Variants in SAMD15 observed in about 807,000 individuals in gnomAD.
The protein encoded by SAMD15 is sterile alpha motif domain containing 15.
Under a neutral mutation model 50.5 loss-of-function variants are expected in SAMD15, and 37 were observed. The ratio of observed to expected loss-of-function variants is 0.73; its 90% CI spans 0.56 to 0.96. The LOEUF (loss-of-function observed/expected upper bound fraction) is 0.96. Among genes scored for constraint, SAMD15 ranks in the 40% least tolerant of loss-of-function variants. The pLI is 0.00. For synonymous variants in SAMD15, 255 were observed against 282.8 expected, an observed-to-expected ratio of 0.90 and a Z score of 0.99; for missense variants, 789 against 783.8, an observed-to-expected ratio of 1.01 and a Z score of -0.08.
At position 77,377,793 on chromosome 14, in the gene SAMD15, T is replaced by C. The variant is rs746027718; in HGVS notation, c.375T>C (p.Pro125=). 7 of 1,613,954 alleles carry C rather than the reference T, an allele frequency of 4.3e-6. No individual in the cohort carries two copies. Among genetic ancestry groups the C allele is most frequent in the Non-Finnish European group, 5.9e-6 (7 of 1,180,024 alleles). Residue 125 remains proline, a synonymous_variant, in exon 1 of 3, where the codon CCT becomes CCC. Transcript: ENST00000216471. ...AGTTTTTCAAAGATTTGGAGGCCCCTATGGATGAAACGCATAAAGAGTCAG... is the reference window on the plus strand; with the variant it reads ...AGTTTTTCAAAGATTTGGAGGCCCCCATGGATGAAACGCATAAAGAGTCAG... The part of the protein sequence containing the change: ...MGEFFKDLEA[P]MDETHKESDL...
chr14:77,377,488 G>C lies in SAMD15; in HGVS notation c.70G>C (p.Glu24Gln), dbSNP rs1176893266. The C allele has an allele frequency of 1.2e-6, 2 of 1,614,006 alleles. No homozygotes were observed. Among genetic ancestry groups the C allele is most frequent in the African/African-American group, 2.7e-5 (2 of 74,902 alleles). Reference protein sequence around the residue: ...EDGELEPERPELPGLHKLYEN... With the variant: ...EDGELEPERPQLPGLHKLYEN... The stretch of plus-strand genomic sequence containing the variant: ...TGGAGAGCTGGAGCCTGAGAGGCCT[G>C]AACTGCCTGGACTTCATAAATTGTA... Residue 24 changes from glutamate to glutamine, a missense_variant, in exon 1 of 3, where the codon GAA (glutamate) becomes CAA (glutamine). Glu to Gln is a conservative substitution (Grantham distance 29, BLOSUM62 2). Around this residue, in one of 2 missense-constraint regions of SAMD15, gnomAD observed 770 missense variants for 745.4 expected, o/e 1.03. Transcript: ENST00000216471.
rs761578291 is a variant in SAMD15 at position 77,378,826 on chromosome 14, G to A, written c.1408G>A (p.Glu470Lys). 3 of 1,613,424 alleles carry A rather than the reference G, an allele frequency of 1.9e-6. No individual in the cohort carries two copies. Among genetic ancestry groups the A allele is most frequent in the Non-Finnish European group, 1.7e-6 (2 of 1,179,848 alleles). ...YALGSLRESE[E>K]SIGTHYEFLQ... ...ATTAGGATCTCTCAGAGAAAGTGAAGAATCAATTGGTACACATTATGAGTT... is the reference window on the plus strand; with the variant it reads ...ATTAGGATCTCTCAGAGAAAGTGAAAAATCAATTGGTACACATTATGAGTT... Residue 470 changes from glutamate (E) to lysine (K), a missense_variant, in exon 1 of 3, where the codon GAA becomes AAA. This residue lies in a region of SAMD15 where 770 missense variants were observed against 745.4 expected (regional missense o/e 1.03). Transcript: ENST00000216471.
chr14:77,391,117 G>A lies in SAMD15; in HGVS notation c.1898G>A (p.Gly633Asp). 2 of 1,613,734 alleles carry A rather than the reference G, an allele frequency of 1.2e-6. No individual in the cohort carries two copies. Among genetic ancestry groups the A allele is most frequent in the South Asian group, 1.1e-5 (1 of 91,078 alleles). ...ATCGGCTTATATTTAGAGCAAAAAG[G>A]TCATACTGGGATAAAATCTGATTCC... ...DIIGLYLEQK[G>D]HTGIKSDSLT... The change falls in exon 3 of 3, where the codon GGT becomes GAT. Residue 633 changes from glycine to aspartate, a missense_variant. Physicochemically the swap from Gly to Asp is moderately conservative, Grantham distance 94. Coordinates refer to ENST00000216471, the MANE Select transcript of SAMD15 (RefSeq NM_001010860.4).
At chr14:77,383,608 A>G (rs1893970036) in intron 2 of SAMD15, among the ~76,000 whole-genome samples, 1 of 152,186 alleles carries the variant, frequency 6.6e-6, no homozygotes, top group Non-Finnish European at 1.5e-5. Context: ...AGGTCACTAG[A>G]GTAACATAAA....
chr14:77,390,823 G>C (rs1465001710), intron 2 of SAMD15, among the ~76,000 whole-genome samples, 185 bp from the exon 3 acceptor site: 1 of 152,212 alleles, frequency 6.6e-6, no homozygotes. Flanking sequence ...CCAGGAGGCA[G>C]AGGTGGCAGT....
At chr14:77,385,735 A>C (rs1468812285) in intron 2 of SAMD15, among the ~76,000 whole-genome samples, 1 of 152,044 alleles carries the variant, frequency 6.6e-6, no homozygotes, top group East Asian at 1.9e-4. Context: ...TGTTTTCTTA[A>C]AGTTACAGGT....
chr14:77,386,026 T>C (rs1040450339), intron 2 of SAMD15, among the ~76,000 whole-genome samples: 3 of 151,794 alleles, frequency 2.0e-5, no homozygotes, highest in African/African-American at 4.8e-5. Context: ...TTTTTGTACT[T>C]TTTTGAGGAG....
chr14:77,386,343 T>C (rs1448471059), intron 2 of SAMD15, among the ~76,000 whole-genome samples: 5 of 152,210 alleles, frequency 3.3e-5, no homozygotes, highest in Admixed American at 3.3e-4. Flanking sequence ...AATCTGTTTT[T>C]GATGTCACAT....
chr14:77,382,375 G>A (rs528143509), intron 2 of SAMD15, among the ~76,000 whole-genome samples: 42 of 151,888 alleles, frequency 2.8e-4, no homozygotes, highest in African/African-American at 8.7e-4. Flanking sequence ...TGCCTGCCTC[G>A]GCCTCTCAAA....
rs768732842 is a variant in SAMD15, at chr14:77,377,928, G to A, written c.510G>A (p.Glu170=). ...TGCCACCAACGGAAACCATGTCTGA[G>A]GTTTCGGGGGCCACAGTCAGAGAGA... ...DPVPPTETMS[E]VSGATVRERN... The change falls in exon 1 of 3, where the codon GAG becomes GAA. Residue 170 remains glutamate, a synonymous_variant. Coordinates refer to ENST00000216471, the MANE Select transcript of SAMD15 (RefSeq NM_001010860.4). 1.9e-6 allele frequency: 3 copies of A among 1,614,114 alleles called. No homozygotes were observed. The South Asian group carries it at 3.3e-5, about 18-fold the overall frequency.
At position 77,383,709 on chromosome 14, in the gene SAMD15, AC is replaced by A. The variant is rs146806300; in HGVS notation, c.1788+3229del. 6.4e-3 allele frequency among the ~76,000 whole-genome samples: 969 copies of A among 152,290 alleles called. 6 individuals carry two copies. The highest frequency in any genetic ancestry group is 0.023 in the African/African-American group (940 of 41,544). On this transcript the variant is annotated intron_variant, in intron 2 of 2. Transcript: ENST00000216471. ...TGATTATGGCCAGGTCTGGTGGCTC[AC>A]GCCTGTAATCCCAGCACTTTGGGAG...
chr14:77,380,297 G>A (rs779233426), intron 1 of SAMD15, 86 bp from the exon 2 acceptor site: 26 of 865,844 alleles, frequency 3.0e-5, no homozygotes, highest in Admixed American at 1.6e-4. Context: ...GAACAAACAC[G>A]ACTTCTTCCC....
chr14:77,391,000 C>A lies in SAMD15; in HGVS notation c.1789-8C>A. 6.4e-7 allele frequency: 1 copy of A among 1,567,004 alleles called. No individual in the cohort carries two copies. The highest frequency in any genetic ancestry group is 8.7e-7 in the Non-Finnish European group (1 of 1,144,446). ...TAGTCTAATTAAAAATTTATCCTTG[C>A]GTTTCAGGCAATTTCTCGGCATACG... On this transcript the variant is annotated splice_polypyrimidine_tract_variant and splice_region_variant and intron_variant, in intron 2 of 2. Coordinates refer to ENST00000216471, the MANE Select transcript of SAMD15 (RefSeq NM_001010860.4).
chr14:77,378,606 A>G lies in SAMD15; in HGVS notation c.1188A>G (p.Gln396=). Residue 396 remains glutamine (Q), a synonymous_variant, in exon 1 of 3, where the codon CAA becomes CAG. Coordinates refer to ENST00000216471, the MANE Select transcript of SAMD15 (RefSeq NM_001010860.4). ...ACCCACAAGTTGAAGAGAAAACACA[A>G]ACAAAGCCAACTGAGAAAATTCTAG... ...EINPQVEEKT[Q]TKPTEKILEL... 6.2e-7 allele frequency: 1 copy of G among 1,613,752 alleles called. No homozygotes were observed. The highest frequency in any genetic ancestry group is 8.5e-7 in the Non-Finnish European group (1 of 1,179,960).
chr14:77,390,758 T>C (rs941035400), intron 2 of SAMD15, among the ~76,000 whole-genome samples: 15 of 152,004 alleles, frequency 9.9e-5, no homozygotes, highest in Non-Finnish European at 1.5e-5. Context: ...GGCGTGGTGG[T>C]GTGCGCCTGT....
In SAMD15 at chr14:77,391,931, G is replaced by C. The variant is rs995327458; in HGVS notation, c.*687G>C. On this transcript the variant is annotated 3_prime_UTR_variant, in exon 3 of 3. Coordinates refer to ENST00000216471, the MANE Select transcript of SAMD15 (RefSeq NM_001010860.4). ...TAGCTGGGCATGGTGGCACATGCCT[G>C]TAGTCCCAGCTACTCAGGAGGCTGA... Among the ~76,000 whole-genome samples, 2 of 152,076 alleles carry C rather than the reference G, an allele frequency of 1.3e-5. No homozygotes were observed. The highest frequency in any genetic ancestry group is 1.3e-4 in the Admixed American group (2 of 15,272).
Position 77,378,037 on chromosome 14 carries a change from G to A in SAMD15, c.619G>A (p.Glu207Lys). The change falls in exon 1 of 3, where the codon GAG becomes AAG. Residue 207 changes from glutamate (E) to lysine (K), a missense_variant. This residue lies in a region of SAMD15 where 770 missense variants were observed against 745.4 expected (regional missense o/e 1.03). Coordinates refer to ENST00000216471, the MANE Select transcript of SAMD15 (RefSeq NM_001010860.4). Reference protein sequence around the residue: ...LRVQHEETGLEPPEQTKQDFP... With the variant: ...LRVQHEETGLKPPEQTKQDFP... ...AGTGCAACATGAAGAGACAGGTCTA[G>A]AGCCTCCAGAGCAGACCAAACAAGA... is the stretch of plus-strand genomic sequence containing the variant. The A allele has an allele frequency of 1.2e-6, 2 of 1,613,982 alleles. No individual in the cohort carries two copies. Among genetic ancestry groups the A allele is most frequent in the Non-Finnish European group, 1.7e-6 (2 of 1,180,022 alleles).
chr14:77,378,931 A>T lies in SAMD15; in HGVS notation c.1513A>T (p.Ser505Cys). The T allele has an allele frequency of 6.2e-7, 1 of 1,614,166 alleles. No individual in the cohort carries two copies. Residue 505 changes from serine to cysteine, a missense_variant, in exon 1 of 3, where the codon AGT (serine) becomes TGT (cysteine). Ser to Cys is a moderately radical substitution (Grantham distance 112, BLOSUM62 -1). Around this residue, in one of 2 missense-constraint regions of SAMD15, gnomAD observed 770 missense variants for 745.4 expected, o/e 1.03. Transcript: ENST00000216471. ...TCCCTCAGAGTCTCAGACAGAATTA[A>T]GTGAGTTCGTTCATGAAAAGGAAGT... is the stretch of plus-strand genomic sequence containing the variant. Reference protein sequence around the residue: ...SDPSESQTELSEFVHEKEVVD... With the variant: ...SDPSESQTELCEFVHEKEVVD...
At chr14:77,379,593 G>C (rs1208356441) in intron 1 of SAMD15, among the ~76,000 whole-genome samples, 1 of 152,076 alleles carries the variant, frequency 6.6e-6, no homozygotes, top group African/African-American at 2.4e-5. Context: ...GGGTTTCACT[G>C]TGTTAGCCAG....
Sources: gnomAD v4.1 joint callset for allele counts (sites outside exome capture counted in the v4.1 genomes callset) on GRCh38, gnomAD v4.1.1 for gene constraint, gnomAD v4.1.1 regional missense constraint, MANE v1.5 for transcripts, NCBI Gene and HGNC (gene_info 2026-07-23, HGNC 2026-07-21) for gene names.